FOSL2: variants seen among roughly 807,000 people sequenced by gnomAD.
FOSL2 encodes the protein FOS like 2, AP-1 transcription factor subunit.
A neutral mutation model predicts 27.7 loss-of-function variants in FOSL2; 3 were observed. That is an observed-to-expected ratio of 0.11 (90% CI 0.05 to 0.28). The LOEUF is 0.28. Among genes scored for constraint, FOSL2 ranks in the 10% least tolerant of loss-of-function variants. The pLI is 1.00. For synonymous variants in FOSL2, 179 were observed against 190.1 expected, an observed-to-expected ratio of 0.94 and a Z score of 0.48; for missense variants, 333 against 445.1, an observed-to-expected ratio of 0.75 and a Z score of 2.27.
Position 28,412,614 on chromosome 2 carries a change from G to A in FOSL2, c.*166G>A, listed in dbSNP as rs1036947514. ...AGGTGGGACTTAGCAGTGAGTATTG[G>A]AAGACTTGGGTTGATCTCTTAGAAG... On this transcript the variant is annotated 3_prime_UTR_variant, in exon 4 of 4. Coordinates refer to ENST00000264716, the MANE Select transcript of FOSL2 (RefSeq NM_005253.4). The surrounding 1 kb of genome is among the most constrained non-coding windows in gnomAD (Gnocchi z 7.1). 2 of 679,336 alleles carry A rather than the reference G, an allele frequency of 2.9e-6. No individual in the cohort carries two copies. Among genetic ancestry groups the A allele is most frequent in the Non-Finnish European group, 4.9e-6 (2 of 411,812 alleles). 42.1% of individuals were successfully genotyped at this position (679,336 alleles called of 1,614,324 possible).
chr2:28,393,406 G>A lies in FOSL2; in HGVS notation c.-315G>A, dbSNP rs1663720527. On this transcript the variant is annotated 5_prime_UTR_variant, in exon 1 of 4. Coordinates refer to ENST00000264716, the MANE Select transcript of FOSL2 (RefSeq NM_005253.4). This position sits in a 1 kb window ranked among gnomAD's most constrained non-coding sequence, Gnocchi z 4.6. ...CCGCTGAGCTCCGGCTGCGCGCGGG[G>A]GCGGGAGGGCGCGCGCAGGGGAGGG... 5.9e-6 allele frequency: 2 copies of A among 337,438 alleles called. No individual in the cohort carries two copies. Among genetic ancestry groups the A allele is most frequent in the Admixed American group, 1.0e-4 (2 of 19,292 alleles). The allele number at this position is 337,438 out of a possible 1,614,324, so 20.9% of individuals were successfully genotyped here. A position where few individuals can be genotyped will look rare whatever the true frequency, so the allele number is the denominator to read the frequency against.
At chr2:28,394,060 T>C (rs1341179765) in intron 1 of FOSL2, among the ~76,000 whole-genome samples, 2 of 144,480 alleles carry the variant, frequency 1.4e-5, no homozygotes, top group African/African-American at 5.2e-5. Flanking sequence ...TTTACCCAGA[T>C]AGACTCCTGG....
chr2:28,402,306 C>T (rs1469278117), intron 1 of FOSL2, among the ~76,000 whole-genome samples: 1 of 152,280 alleles, frequency 6.6e-6, no homozygotes, highest in Admixed American at 6.5e-5. Context: ...TTGTGCTGGG[C>T]AGCTCTCTTC....
intron 1 of FOSL2, chr2:28,395,710 G>A (rs1663818511): frequency 6.6e-6 from 1 of 152,204 alleles, no homozygotes; most frequent in Non-Finnish European, 1.5e-5. Flanking sequence ...ACGGGGTTTC[G>A]CATAGACGCC....
intron 1 of FOSL2, among the ~76,000 whole-genome samples, chr2:28,397,354 G>A (rs1663867678): frequency 6.6e-6 from 1 of 151,640 alleles, no homozygotes; most frequent in Non-Finnish European, 1.5e-5. Context: ...GGCTTGTTCA[G>A]TTGGTGGGAA....
chr2:28,401,502 CAG>C (rs926930528), intron 1 of FOSL2, among the ~76,000 whole-genome samples: 1 of 152,166 alleles, frequency 6.6e-6, no homozygotes, highest in Non-Finnish European at 1.5e-5. Context: ...GCAAGGCACT[CAG>C]TGGCTAAGCC....
intron 1 of FOSL2, among the ~76,000 whole-genome samples, chr2:28,394,864 T>C (rs1663778198): frequency 6.6e-6 from 1 of 152,164 alleles, no homozygotes; most frequent in Non-Finnish European, 1.5e-5. Flanking sequence ...CTAGCATAGT[T>C]GGCTGCAGCA....
Position 28,412,316 on chromosome 2 carries a change from C to T in FOSL2, c.849C>T (p.Thr283=), listed in dbSNP as rs774882224. The T allele has an allele frequency of 1.2e-5, 20 of 1,614,030 alleles. No homozygotes were observed. The highest frequency in any genetic ancestry group is 1.6e-5 in the Non-Finnish European group (19 of 1,180,014). Residue 283 remains threonine, a synonymous_variant, in exon 4 of 4, where the codon ACC becomes ACT. Transcript: ENST00000264716. This position sits in a 1 kb window ranked among gnomAD's most constrained non-coding sequence, Gnocchi z 7.1. ...CGGGCACCTCGAACCTCGTCTTCAC[C>T]TATCCTAGCGTCCTGGAGCAGGAGT... ...VTPGTSNLVF[T]YPSVLEQESP...
At chr2:28,397,977 T>C (rs758681984) in intron 1 of FOSL2, among the ~76,000 whole-genome samples, 1 of 152,224 alleles carries the variant, frequency 6.6e-6, no homozygotes, top group Non-Finnish European at 1.5e-5. Context: ...TGTGACCCTG[T>C]GTCCTGCAGG....
rs778110135 is a variant in FOSL2, at chr2:28,393,681, G to C, written c.-40G>C. The C allele has an allele frequency of 5.4e-6, 8 of 1,492,476 alleles. No homozygotes were observed. The Admixed American group carries it at 5.6e-5, about 10-fold the overall frequency. The allele number at this position is 1,492,476 out of a possible 1,614,324, so 92.5% of individuals were successfully genotyped here. A position where few individuals can be genotyped will look rare whatever the true frequency, so the allele number is the denominator to read the frequency against. ...CGCGGCCGCGGCGAGGGCGGGGGAAGAAAAACACCCTGTTTCCTCTCCGGC... is the reference window on the plus strand; with the variant it reads ...CGCGGCCGCGGCGAGGGCGGGGGAACAAAAACACCCTGTTTCCTCTCCGGC... On this transcript the variant is annotated 5_prime_UTR_variant, in exon 1 of 4. Transcript: ENST00000264716. The surrounding 1 kb of genome is among the most constrained non-coding windows in gnomAD (Gnocchi z 4.6).
At position 28,408,904 on chromosome 2, in the gene FOSL2, G is replaced by A; in HGVS notation, c.462+38G>A. ...GCGTAGGGTGGGAGCACCTCTGGGT[G>A]GGCTGGAGTGAGAGCCCCGGGGGTC... is the stretch of plus-strand genomic sequence containing the variant. On this transcript the variant is annotated intron_variant, in intron 3 of 3. Coordinates refer to ENST00000264716, the MANE Select transcript of FOSL2 (RefSeq NM_005253.4). The surrounding 1 kb of genome is among the most constrained non-coding windows in gnomAD (Gnocchi z 4.1). The A allele has an allele frequency of 6.8e-7, 1 of 1,462,716 alleles. No homozygotes were observed. The highest frequency in any genetic ancestry group is 9.3e-7 in the Non-Finnish European group (1 of 1,074,592). The allele number at this position is 1,462,716 out of a possible 1,614,324, so 90.6% of individuals were successfully genotyped here. A position where few individuals can be genotyped will look rare whatever the true frequency, so the allele number is the denominator to read the frequency against.
At chr2:28,407,256 C>T (rs1664104022) in intron 2 of FOSL2, among the ~76,000 whole-genome samples, 1 of 152,226 alleles carries the variant, frequency 6.6e-6, no homozygotes. Context: ...CCCAGGCCTG[C>T]AGCAGGGCCA....
chr2:28,398,024 A>G (rs79985011), intron 1 of FOSL2, among the ~76,000 whole-genome samples: 3,387 of 152,312 alleles, frequency 0.022, 110 homozygotes, highest in African/African-American at 0.077. Context: ...GCCCACGACA[A>G]AGGACACCAA....
At chr2:28,398,031 C>A (rs1027430978) in intron 1 of FOSL2, among the ~76,000 whole-genome samples, 2 of 152,212 alleles carry the variant, frequency 1.3e-5, no homozygotes, top group African/African-American at 4.8e-5. Flanking sequence ...ACAAAGGACA[C>A]CAAAGCAGGC....
chr2:28,401,440 G>A (rs1402301318), intron 1 of FOSL2, among the ~76,000 whole-genome samples: 1 of 152,122 alleles, frequency 6.6e-6, no homozygotes, highest in Non-Finnish European at 1.5e-5. Context: ...AGTGCAGTGA[G>A]TTTGATGAGT....
intron 1 of FOSL2, among the ~76,000 whole-genome samples, chr2:28,400,641 G>C (rs962757026): frequency 1.3e-5 from 2 of 152,188 alleles, no homozygotes; most frequent in Non-Finnish European, 2.9e-5. Flanking sequence ...TTTGCCTCCT[G>C]TCTGAAACAA....
Position 28,392,946 on chromosome 2 carries a change from G to A in FOSL2, c.-775G>A, listed in dbSNP as rs1050598212. 5.7e-6 allele frequency: 2 copies of A among 350,108 alleles called. No homozygotes were observed. The highest frequency in any genetic ancestry group is 3.3e-5 in the South Asian group (1 of 29,978). The allele number at this position is 350,108 out of a possible 1,614,324, so 21.7% of individuals were successfully genotyped here. A position where few individuals can be genotyped will look rare whatever the true frequency, so the allele number is the denominator to read the frequency against. Reference sequence around the variant, plus strand: ...GGCGCTCGGCGGGGACAGAAAGAGGGAGAGAGAGAGAGAGAGAGAGGGAGA... The same window carrying A: ...GGCGCTCGGCGGGGACAGAAAGAGGAAGAGAGAGAGAGAGAGAGAGGGAGA... On this transcript the variant is annotated 5_prime_UTR_variant, in exon 1 of 4. Transcript: ENST00000264716.
At chr2:28,407,483 A>G (rs566408582) in intron 2 of FOSL2, among the ~76,000 whole-genome samples, 39 of 152,346 alleles carry the variant, frequency 2.6e-4, no homozygotes, top group African/African-American at 7.9e-4. Context: ...TAAAGGGAGC[A>G]TTGTGGGACT....
rs1664025907 is a variant in FOSL2, at chr2:28,404,006, G to T, written c.103-101G>T. On this transcript the variant is annotated intron_variant, in intron 1 of 3. Coordinates refer to ENST00000264716, the MANE Select transcript of FOSL2 (RefSeq NM_005253.4). The surrounding 1 kb of genome is among the most constrained non-coding windows in gnomAD (Gnocchi z 4.7). Reference sequence around the variant, plus strand: ...ACCTTGCCCTTCGAACACTGACTGTGCTCTGTGCTGGTTTTTGCCTCAGCT... The same window carrying T: ...ACCTTGCCCTTCGAACACTGACTGTTCTCTGTGCTGGTTTTTGCCTCAGCT... The T allele has an allele frequency of 7.1e-7, 1 of 1,402,104 alleles. No homozygotes were observed. Among genetic ancestry groups the T allele is most frequent in the Non-Finnish European group, 9.9e-7 (1 of 1,011,978 alleles). 86.9% of individuals were successfully genotyped at this position (1,402,104 alleles called of 1,614,324 possible).
Sources: allele counts gnomAD v4.1 joint callset (sites outside exome capture counted in the v4.1 genomes callset), GRCh38; gene constraint gnomAD v4.1.1; non-coding constraint Gnocchi (gnomAD v3.1); transcripts MANE v1.5; gene names NCBI Gene and HGNC (gene_info 2026-07-23, HGNC 2026-07-21).